Variants in FAM107B observed in about 807,000 individuals in gnomAD.
FAM107B encodes the protein family with sequence similarity 107 member B, also known as protein FAM107B.
A neutral mutation model predicts 31.5 loss-of-function variants in FAM107B; 21 were observed. The ratio of observed to expected loss-of-function variants is 0.67; its 90% CI spans 0.47 to 0.96. The LOEUF is 0.96. FAM107B is among the 40% of genes least tolerant of loss of function. The probability of loss-of-function intolerance (pLI) is 0.00; values close to 1 mark genes in which losing one functional copy is unlikely to be tolerated. For synonymous variants in FAM107B, 157 were observed against 141.5 expected, an observed-to-expected ratio of 1.11 and a Z score of -0.78; for missense variants, 452 against 377.1, an observed-to-expected ratio of 1.20 and a Z score of -1.64.
At chr10:14,603,273 G>T (rs1205733866) in intron 2 of FAM107B, among the ~76,000 whole-genome samples, 1 of 152,182 alleles carries the variant, frequency 6.6e-6, no homozygotes, top group East Asian at 1.9e-4. Context: ...TTTCCAAAGT[G>T]ATGTTAGGAA....
intron 1 of FAM107B, among the ~76,000 whole-genome samples, chr10:14,673,262 A>C (rs1044115279): frequency 6.6e-6 from 1 of 152,170 alleles, no homozygotes; most frequent in African/African-American, 2.4e-5. Flanking sequence ...TTTTGTACTC[A>C]TTAACCAACC....
intron 1 of FAM107B, among the ~76,000 whole-genome samples, chr10:14,670,528 C>A (rs554465956): frequency 6.6e-6 from 1 of 152,318 alleles, no homozygotes; most frequent in African/African-American, 2.4e-5. Flanking sequence ...AATACAGCCA[C>A]AGGGGAAGTC....
At chr10:14,718,522 C>T (rs111283074) in intron 1 of FAM107B, among the ~76,000 whole-genome samples, 7,850 of 142,902 alleles carry the variant, frequency 0.055, 281 homozygotes, top group Non-Finnish European at 0.081. Flanking sequence ...GGGAGGGAAA[C>T]GAAGGAAGGA....
Position 14,771,195 on chromosome 10 carries a change from A to C in FAM107B, c.411+3058T>G, listed in dbSNP as rs534926859. Among the ~76,000 whole-genome samples, 6 of 152,316 alleles carry C rather than the reference A, an allele frequency of 3.9e-5. No homozygotes were observed. In the East Asian group the frequency reaches 9.6e-4, roughly 24 times the overall value. On this transcript the variant is annotated intron_variant, in intron 1 of 4. Coordinates refer to ENST00000181796, the MANE Select transcript of FAM107B (RefSeq NM_031453.4). ...GTTCTAAGCCACTTTTAATCAGAAG[A>C]TCTCAAAGCAATCCCCCACACTGCC...
intron 2 of FAM107B, among the ~76,000 whole-genome samples, chr10:14,624,775 A>G (rs1853112994): frequency 6.6e-6 from 1 of 152,238 alleles, no homozygotes; most frequent in South Asian, 2.1e-4. Context: ...GAAAAGAAAA[A>G]CAGAGTGGGT....
Position 14,774,246 on chromosome 10 carries a change from C to CA in FAM107B, c.411+6dup, listed in dbSNP as rs747667464. ...CGTCTATAATCGCAGAGCGAACACT[C>CA]ACTCACCTTGGGCGTGTCAATAATT... On this transcript the variant is annotated splice_region_variant and intron_variant, in intron 1 of 4. Coordinates refer to ENST00000181796, the MANE Select transcript of FAM107B (RefSeq NM_031453.4). 1.3e-5 allele frequency: 21 copies of CA among 1,599,146 alleles called. No individual in the cohort carries two copies. The highest frequency in any genetic ancestry group is 1.7e-4 in the Middle Eastern group (1 of 6,016).
intron 2 of FAM107B, among the ~76,000 whole-genome samples, chr10:14,628,019 G>A (rs898793990): frequency 6.6e-6 from 1 of 151,926 alleles, no homozygotes; most frequent in Admixed American, 6.6e-5. Context: ...TTATAAAAAG[G>A]TCAATACAGC....
rs568907620 is a variant in FAM107B at position 14,631,696 on chromosome 10, G to A, written c.469+35938C>T. Among the ~76,000 whole-genome samples the A allele has an allele frequency of 3.8e-4, 58 of 152,138 alleles. 1 individual carries two copies. Among genetic ancestry groups the A allele is most frequent in the Admixed American group, 3.7e-3 (56 of 15,264 alleles). The stretch of plus-strand genomic sequence containing the variant: ...CTCTAACCTCCTGGGTCCCCACCCC[G>A]GCAACTTCATCATCAGCCCCGATTC... On this transcript the variant is annotated intron_variant, in intron 2 of 4. Transcript: ENST00000181796.
intron 2 of FAM107B, among the ~76,000 whole-genome samples, chr10:14,544,078 A>G (rs1848487682): frequency 6.6e-6 from 1 of 152,174 alleles, no homozygotes; most frequent in African/African-American, 2.4e-5. Context: ...CACCCCGAGG[A>G]GAGACTCAAC....
chr10:14,707,295 C>G (rs182241574), intron 1 of FAM107B, among the ~76,000 whole-genome samples: 1 of 152,258 alleles, frequency 6.6e-6, no homozygotes, highest in African/African-American at 2.4e-5. Flanking sequence ...GTGCCACCTC[C>G]TAAGTGAGTT....
At chr10:14,596,989 T>C (rs180971990) in intron 2 of FAM107B, among the ~76,000 whole-genome samples, 539 of 152,308 alleles carry the variant, frequency 3.5e-3, no homozygotes, top group African/African-American at 0.013. Context: ...TACTCATTCA[T>C]GGCAAGCTTA....
rs145668684 is a variant in FAM107B, at chr10:14,770,478, G to A, written c.411+3775C>T. Among the ~76,000 whole-genome samples the A allele has an allele frequency of 5.6e-3, 844 of 152,022 alleles. 11 individuals are homozygous for A. Among genetic ancestry groups the A allele is most frequent in the African/African-American group, 0.018 (759 of 41,456 alleles). On this transcript the variant is annotated intron_variant, in intron 1 of 4. Coordinates refer to ENST00000181796, the MANE Select transcript of FAM107B (RefSeq NM_031453.4). ...GCAGAAGTTGCAGTGAGCCGAGATC[G>A]CACCACTACACTCCAGTCTGGGTGA...
chr10:14,566,102 T>G (rs542170561), intron 2 of FAM107B, among the ~76,000 whole-genome samples: 130 of 152,338 alleles, frequency 8.5e-4, no homozygotes, highest in Non-Finnish European at 1.6e-4. Flanking sequence ...CAAAGAACCC[T>G]GTATTTTCAC....
intron 2 of FAM107B, among the ~76,000 whole-genome samples, chr10:14,613,717 C>A (rs1852783154): frequency 1.3e-5 from 2 of 152,212 alleles, no homozygotes; most frequent in South Asian, 4.1e-4. Context: ...CTGCCCCACA[C>A]AAGCATACAC....
At chr10:14,714,316 C>G (rs996673583) in intron 1 of FAM107B, among the ~76,000 whole-genome samples, 1 of 143,714 alleles carries the variant, frequency 7.0e-6, no homozygotes, top group African/African-American at 2.5e-5. Flanking sequence ...TGGACCCCTA[C>G]AGCCTCTGTT....
At chr10:14,604,158 A>T in intron 2 of FAM107B, 1 of 560,806 alleles carries the variant, frequency 1.8e-6, no homozygotes, top group Non-Finnish European at 2.2e-6. Flanking sequence ...GGGTCCCCGG[A>T]GCCGGGGTCG....
intron 2 of FAM107B, among the ~76,000 whole-genome samples, chr10:14,620,740 T>C (rs1263463774): frequency 1.3e-5 from 2 of 152,148 alleles, no homozygotes; most frequent in African/African-American, 4.8e-5. Flanking sequence ...GTCCATGTGT[T>C]CTTATTGTTC....
chr10:14,589,174 AAAAAAAAAAAAAG>A (rs1164248690), intron 2 of FAM107B, among the ~76,000 whole-genome samples: 7 of 98,430 alleles, frequency 7.1e-5, no homozygotes, highest in Non-Finnish European at 2.3e-5. Context: ...AGACTGTCTC[AAAAAAAAAAAAAG>A]AAAAGAAAAA....
intron 1 of FAM107B, among the ~76,000 whole-genome samples, chr10:14,695,234 C>T (rs767826812): frequency 6.6e-6 from 1 of 152,086 alleles, no homozygotes; most frequent in Non-Finnish European, 1.5e-5. Context: ...CCAGTTTTTC[C>T]AGCTCCATTT....
Sources: allele counts gnomAD v4.1 joint callset (sites outside exome capture counted in the v4.1 genomes callset), GRCh38; gene constraint gnomAD v4.1.1; transcripts MANE v1.5; gene names NCBI Gene and HGNC (gene_info 2026-07-23, HGNC 2026-07-21).